TBC1D19: variants seen among roughly 807,000 people sequenced by gnomAD.
The protein encoded by TBC1D19 is TBC1 domain family member 19, also known as TBC1 domain family, member 19.
Under a neutral mutation model 89.0 loss-of-function variants are expected in TBC1D19, and 60 were observed. The ratio of observed to expected loss-of-function variants is 0.67; its 90% CI spans 0.55 to 0.84. TBC1D19 has a LOEUF of 0.84. TBC1D19 is among the 40% of genes least tolerant of loss of function. The pLI is 0.00. For missense variants in TBC1D19, 500 were observed against 610.8 expected (o/e 0.82, Z 1.91); for synonymous variants, 189 against 199.7 (o/e 0.95, Z 0.45).
chr4:26,791,575 A>G, the TBC1D19 span, among the ~76,000 whole-genome samples: 1 of 152,216 alleles, frequency 6.6e-6, no homozygotes. Context: ...CAACACAGTA[A>G]TCTTGGCAAG....
At chr4:26,834,306 A>G in the TBC1D19 span, among the ~76,000 whole-genome samples, 1 of 152,234 alleles carries the variant, frequency 6.6e-6, no homozygotes, top group Non-Finnish European at 1.5e-5. Flanking sequence ...TCCCAGAGCC[A>G]TGTGTGTGCT....
At chr4:26,688,273 A>T in intron 12 of TBC1D19, 72 bp from the exon 13 acceptor site, 1 of 1,461,126 alleles carries the variant, frequency 6.8e-7, no homozygotes, top group Non-Finnish European at 9.0e-7. Flanking sequence ...GCTTCTAAAT[A>T]CATGTGTATG....
chr4:26,678,173 C>T (rs1713004735), intron 11 of TBC1D19, among the ~76,000 whole-genome samples: 1 of 152,090 alleles, frequency 6.6e-6, no homozygotes, highest in South Asian at 2.1e-4. Context: ...ACAATGAAGT[C>T]CAGGCTGAGA....
the TBC1D19 span, among the ~76,000 whole-genome samples, chr4:26,817,023 T>C: frequency 6.6e-6 from 1 of 152,230 alleles, no homozygotes; most frequent in Non-Finnish European, 1.5e-5. Context: ...ACTATGCTAC[T>C]TTAGTAGGAG....
the TBC1D19 span, among the ~76,000 whole-genome samples, chr4:26,848,368 G>T: frequency 6.6e-6 from 1 of 152,198 alleles, no homozygotes; most frequent in Non-Finnish European, 1.5e-5. Flanking sequence ...TCATAATCAT[G>T]TAGCCAATTT....
intron 19 of TBC1D19, among the ~76,000 whole-genome samples, chr4:26,751,057 T>C (rs114787495): frequency 2.0e-3 from 306 of 152,334 alleles, no homozygotes; most frequent in African/African-American, 6.8e-3. Context: ...AGCCTCTATA[T>C]TTCATATGAA....
At chr4:26,636,665 G>A (rs903810111) in intron 4 of TBC1D19, among the ~76,000 whole-genome samples, 9 of 151,832 alleles carry the variant, frequency 5.9e-5, no homozygotes, top group African/African-American at 2.2e-4. Flanking sequence ...GACTAAGTAT[G>A]ACATCATGAA....
chr4:26,620,027 C>G (rs1741939468), intron 3 of TBC1D19, among the ~76,000 whole-genome samples: 1 of 152,126 alleles, frequency 6.6e-6, no homozygotes, highest in Non-Finnish European at 1.5e-5. Context: ...AACATTGAAC[C>G]ATCATGTCTT....
At chr4:26,604,663 T>G (rs1329524097) in intron 1 of TBC1D19, among the ~76,000 whole-genome samples, 1 of 150,248 alleles carries the variant, frequency 6.7e-6, no homozygotes, top group Middle Eastern at 3.2e-3. Flanking sequence ...ATCACGAGGT[T>G]GGGAGATCGA....
the TBC1D19 span, among the ~76,000 whole-genome samples, chr4:26,801,147 C>A: frequency 2.6e-5 from 4 of 152,254 alleles, no homozygotes; most frequent in African/African-American, 9.6e-5. Flanking sequence ...TTAGGACTAA[C>A]ATGTAAGTCT....
intron 15 of TBC1D19, among the ~76,000 whole-genome samples, chr4:26,735,019 T>TACACATGTATATATGTATATGTGTAC (rs1315816172): frequency 9.0e-5 from 8 of 89,240 alleles, no homozygotes; most frequent in African/African-American, 2.2e-4. Flanking sequence ...TATATGTGTA[T>TACACATGTATATATGTATATGTGTAC]ACACATGTAT....
chr4:26,801,367 A>G, the TBC1D19 span, among the ~76,000 whole-genome samples: 1 of 152,168 alleles, frequency 6.6e-6, no homozygotes, highest in Non-Finnish European at 1.5e-5. Flanking sequence ...ATTGGTCTAT[A>G]TCTCTGTTTT....
At chr4:26,700,541 A>C (rs1244587412) in intron 13 of TBC1D19, among the ~76,000 whole-genome samples, 3 of 152,176 alleles carry the variant, frequency 2.0e-5, no homozygotes, top group African/African-American at 7.2e-5. Context: ...TATCAGAGGT[A>C]CAAAAAAAAA....
chr4:26,651,540 T>C (rs551285906), intron 7 of TBC1D19, among the ~76,000 whole-genome samples: 1 of 152,220 alleles, frequency 6.6e-6, no homozygotes, highest in Non-Finnish European at 1.5e-5. Flanking sequence ...TAAGAATGTT[T>C]GTGATTTTTG....
the TBC1D19 span, among the ~76,000 whole-genome samples, chr4:26,764,052 AT>A: frequency 2.0e-5 from 3 of 152,150 alleles, no homozygotes; most frequent in Admixed American, 6.5e-5. Flanking sequence ...GTTGTTTTTC[AT>A]TTCTTATTTG....
At chr4:26,770,075 A>C in the TBC1D19 span, among the ~76,000 whole-genome samples, 16 of 151,830 alleles carry the variant, frequency 1.1e-4, no homozygotes, top group Admixed American at 7.2e-4. Flanking sequence ...GAAAAAAAAA[A>C]CAACATGGTA....
intron 1 of TBC1D19, among the ~76,000 whole-genome samples, chr4:26,609,198 T>TA (rs945948353): frequency 4.0e-5 from 6 of 151,872 alleles, no homozygotes; most frequent in African/African-American, 1.4e-4. Flanking sequence ...CCCTAAAACT[T>TA]AAAGTATAAT....
At chr4:26,844,048 A>T in the TBC1D19 span, among the ~76,000 whole-genome samples, 1 of 152,242 alleles carries the variant, frequency 6.6e-6, no homozygotes. Flanking sequence ...AAAATATTTT[A>T]ACATGGGATT....
intron 3 of TBC1D19, among the ~76,000 whole-genome samples, chr4:26,619,465 A>G (rs1440000187): frequency 3.3e-5 from 5 of 152,162 alleles, no homozygotes; most frequent in African/African-American, 4.8e-5. Context: ...TCGGCCTCCC[A>G]AAGTGCTGGG....
Sources: allele counts gnomAD v4.1 joint callset (sites outside exome capture counted in the v4.1 genomes callset), GRCh38; gene constraint gnomAD v4.1.1; transcripts MANE v1.5; gene names NCBI Gene and HGNC (gene_info 2026-07-23, HGNC 2026-07-21).